The following CALM3 variants were observed in gnomAD, a reference collection of about 807,000 sequenced individuals.
The protein encoded by CALM3 is calmodulin-3.
Under a neutral mutation model 20.1 loss-of-function variants are expected in CALM3, and 5 were observed. The ratio of observed to expected loss-of-function variants is 0.25; its 90% confidence interval spans 0.13 to 0.52. CALM3 has a LOEUF of 0.52. CALM3 is among the 20% of genes least tolerant of loss of function. The pLI, the probability that CALM3 is intolerant of heterozygous loss-of-function variation, is 0.96. For missense variants in CALM3, 57 were observed against 192.8 expected (o/e 0.30, Z 4.17); for synonymous variants, 69 against 68.1 (o/e 1.01, Z -0.06).
Position 46,608,849 on chromosome 19 carries a change from G to A in CALM3, c.289G>A (p.Gly97Arg). 1 of 1,550,326 alleles carries A rather than the reference G, an allele frequency of 6.5e-7. No individual in the cohort carries two copies. Among genetic ancestry groups the A allele is most frequent in the Non-Finnish European group, 8.7e-7 (1 of 1,150,590 alleles). Residue 97 changes from glycine to arginine, a missense_variant, in exon 5 of 6, where the codon GGG (glycine) becomes AGG (arginine). Gly to Arg is a moderately radical substitution (Grantham distance 125, BLOSUM62 -2). Coordinates refer to ENST00000291295, the MANE Select transcript of CALM3 (RefSeq NM_005184.4). The surrounding 1 kb of genome is among the most constrained non-coding windows in gnomAD (Gnocchi z 5.5). Reference protein sequence around the residue: ...REAFRVFDKDGNGYISAAELR... With the variant: ...REAFRVFDKDRNGYISAAELR... ...AGGCTTTATCCCCAACCCCCAGGAT[G>A]GGAATGGCTACATCAGCGCCGCAGA...
Position 46,601,869 on chromosome 19 carries a change from TGA to T in CALM3, c.3+436_3+437del. 6.7e-6 allele frequency among the ~76,000 whole-genome samples: 1 copy of T among 149,964 alleles called. No individual in the cohort carries two copies. Among genetic ancestry groups the T allele is most frequent in the East Asian group, 2.0e-4 (1 of 5,062 alleles). ...GGGCCCTGATGAAGGCGTTTGGTCCTGAGAGGATGCGGGGAACGGGGGACGAA... is the reference window on the plus strand; with the variant it reads ...GGGCCCTGATGAAGGCGTTTGGTCCTGAGGATGCGGGGAACGGGGGACGAA... On this transcript the variant is annotated intron_variant, in intron 1 of 5. Coordinates refer to ENST00000291295, the MANE Select transcript of CALM3 (RefSeq NM_005184.4). The surrounding 1 kb of genome is among the most constrained non-coding windows in gnomAD (Gnocchi z 4.2).
chr19:46,605,705 C>G lies in CALM3; in HGVS notation c.4-122C>G. 3 of 893,140 alleles carry G rather than the reference C, an allele frequency of 3.4e-6. No individual in the cohort carries two copies. Among genetic ancestry groups the G allele is most frequent in the Non-Finnish European group, 5.5e-6 (3 of 544,510 alleles). 55.3% of individuals were successfully genotyped at this position (893,140 alleles called of 1,614,324 possible). ...GACCCTGACTCTGGCATGCTCCTCC[C>G]TGGCCCGGCGGGAATGGCACGTGGA... On this transcript the variant is annotated intron_variant, in intron 1 of 5. Coordinates refer to ENST00000291295, the MANE Select transcript of CALM3 (RefSeq NM_005184.4). The surrounding 1 kb of genome is among the most constrained non-coding windows in gnomAD (Gnocchi z 4.1).
chr19:46,607,883 G>A, intron 2 of CALM3: 1 of 251,478 alleles, frequency 4.0e-6, no homozygotes, highest in Middle Eastern at 1.3e-3. Context: ...TCAAAGCCAG[G>A]GACCAAACAG....
rs373770976 is a variant in CALM3, at chr19:46,603,703, G to A, written c.4-2124G>A. Among the ~76,000 whole-genome samples, 13 of 152,334 alleles carry A rather than the reference G, an allele frequency of 8.5e-5. No homozygotes were observed. The South Asian group carries it at 1.0e-3, about 12-fold the overall frequency. The stretch of plus-strand genomic sequence containing the variant: ...ATCAATGATATCTTCTTAGGCGGTC[G>A]GTTTTCTGGGCGGCAACCTTGCTTG... On this transcript the variant is annotated intron_variant, in intron 1 of 5. Transcript: ENST00000291295.
chr19:46,609,349 A>T lies in CALM3; in HGVS notation c.*196A>T, dbSNP rs1971820713. On this transcript the variant is annotated 3_prime_UTR_variant, in exon 6 of 6. Coordinates refer to ENST00000291295, the MANE Select transcript of CALM3 (RefSeq NM_005184.4). ...CTCCTTCTTCCCTGAGTCTCTCTCC[A>T]TGCCCCTCATCTCTTCCTTTTGCCC... 7.8e-6 allele frequency: 5 copies of T among 636,982 alleles called. No homozygotes were observed. The South Asian group carries it at 9.3e-5, about 12-fold the overall frequency. The allele number at this position is 636,982 out of a possible 1,614,324, so 39.5% of individuals were successfully genotyped here. A position where few individuals can be genotyped will look rare whatever the true frequency, so the allele number is the denominator to read the frequency against.
chr19:46,607,356 C>A (rs2122239759), intron 2 of CALM3, among the ~76,000 whole-genome samples: 1 of 152,316 alleles, frequency 6.6e-6, no homozygotes, highest in African/African-American at 2.4e-5. Context: ...CTGTCCACCG[C>A]CTCACCCCAG....
At chr19:46,607,780 C>T (rs1466535839) in intron 2 of CALM3, among the ~76,000 whole-genome samples, 2 of 152,258 alleles carry the variant, frequency 1.3e-5, no homozygotes, top group African/African-American at 2.4e-5. Flanking sequence ...TCGTCCCAGC[C>T]AGCCAACCCT....
intron 5 of CALM3, 28 bp from the exon 6 acceptor site, chr19:46,609,097 C>A (rs370109570): frequency 6.2e-7 from 1 of 1,613,844 alleles, no homozygotes; most frequent in Non-Finnish European, 8.5e-7. Flanking sequence ...GCCCGCCTGA[C>A]CTCCTCTCTC....
intron 1 of CALM3, among the ~76,000 whole-genome samples, chr19:46,602,967 G>A (rs187200611): frequency 1.3e-5 from 2 of 152,338 alleles, no homozygotes; most frequent in African/African-American, 2.4e-5. Context: ...CCTCTGGGGA[G>A]ACCCCTTGAT....
chr19:46,604,020 C>G (rs1971689329), intron 1 of CALM3, among the ~76,000 whole-genome samples: 1 of 152,246 alleles, frequency 6.6e-6, no homozygotes, highest in Admixed American at 6.5e-5. Context: ...CAGGGCGGAA[C>G]AGTGGGCTGG....
At position 46,608,306 on chromosome 19, in the gene CALM3, G is replaced by A. The variant is rs1599758683; in HGVS notation, c.144G>A (p.Glu48=). Residue 48 remains glutamate (E), a synonymous_variant, in exon 3 of 6, where the codon GAG becomes GAA. Coordinates refer to ENST00000291295, the MANE Select transcript of CALM3 (RefSeq NM_005184.4). The surrounding 1 kb of genome is among the most constrained non-coding windows in gnomAD (Gnocchi z 5.5). ...TGGGACAGAACCCCACTGAAGCAGA[G>A]CTGCAGGATATGATCAATGAGGTGG... ...RSLGQNPTEA[E]LQDMINEVDA... 3 of 1,614,216 alleles carry A rather than the reference G, an allele frequency of 1.9e-6. No individual in the cohort carries two copies. Among genetic ancestry groups the A allele is most frequent in the Non-Finnish European group, 2.5e-6 (3 of 1,180,026 alleles).
intron 1 of CALM3, among the ~76,000 whole-genome samples, chr19:46,603,702 C>T (rs1971682013): frequency 6.6e-6 from 1 of 152,192 alleles, no homozygotes; most frequent in Non-Finnish European, 1.5e-5. Flanking sequence ...CTTAGGCGGT[C>T]GGTTTTCTGG....
chr19:46,609,156 GC>G lies in CALM3; in HGVS notation c.*9del, dbSNP rs758159285. 79 of 1,613,812 alleles carry G rather than the reference GC, an allele frequency of 4.9e-5. 3 individuals are homozygous for G. In the East Asian group the frequency reaches 4.9e-4, roughly 10 times the overall value. On this transcript the variant is annotated 3_prime_UTR_variant, in exon 6 of 6. Coordinates refer to ENST00000291295, the MANE Select transcript of CALM3 (RefSeq NM_005184.4). ...TACAGATGATGACTGCAAAGTGAAG[GC>G]CCCCCGGGCAGCTGGCGATGCCCGT...
Position 46,610,777 on chromosome 19 carries a change from A to G in CALM3, c.*1624A>G, listed in dbSNP as rs1219222865. 1.3e-5 allele frequency: 2 copies of G among 152,658 alleles called. No individual in the cohort carries two copies. Among genetic ancestry groups the G allele is most frequent in the African/African-American group, 4.8e-5 (2 of 41,404 alleles). The allele number at this position is 152,658 out of a possible 1,614,324, so 9.5% of individuals were successfully genotyped here. A position where few individuals can be genotyped will look rare whatever the true frequency, so the allele number is the denominator to read the frequency against. ...TGTTTTCCAATAAAATACAGTGACT[A>G]CCTGATTTGGCTCCTCTCCTCCTGT... On this transcript the variant is annotated 3_prime_UTR_variant, in exon 6 of 6. Coordinates refer to ENST00000291295, the MANE Select transcript of CALM3 (RefSeq NM_005184.4).
Position 46,608,358 on chromosome 19 carries a change from C to G in CALM3, c.178+18C>G. On this transcript the variant is annotated intron_variant, in intron 3 of 5. Coordinates refer to ENST00000291295, the MANE Select transcript of CALM3 (RefSeq NM_005184.4). The surrounding 1 kb of genome is among the most constrained non-coding windows in gnomAD (Gnocchi z 5.5). ...TGCAGATGGTGAGCCCCACAGAGCG[C>G]GTGGGCAGCCCTGCTCCTGGTCACC... is the stretch of plus-strand genomic sequence containing the variant. 6.2e-7 allele frequency: 1 copy of G among 1,613,412 alleles called. No homozygotes were observed.
chr19:46,601,358 G>A lies in CALM3; in HGVS notation c.-77G>A, dbSNP rs1971609833. 6.2e-6 allele frequency: 9 copies of A among 1,449,202 alleles called. No homozygotes were observed. In the East Asian group the frequency reaches 1.2e-4, roughly 19 times the overall value. 89.8% of individuals were successfully genotyped at this position (1,449,202 alleles called of 1,614,324 possible). A position where few individuals can be genotyped will look rare whatever the true frequency, so the allele number is the denominator to read the frequency against. On this transcript the variant is annotated 5_prime_UTR_variant, in exon 1 of 6. Transcript: ENST00000291295. This position sits in a 1 kb window ranked among gnomAD's most constrained non-coding sequence, Gnocchi z 4.2. ...GAGTGTGGAGGCGCGGACGCGCGGC[G>A]GAGCTGGAACTGCTGCAGCTGCTGC...
chr19:46,604,542 G>C (rs951258568), intron 1 of CALM3, among the ~76,000 whole-genome samples: 1 of 124,806 alleles, frequency 8.0e-6, no homozygotes, highest in African/African-American at 3.3e-5. Context: ...TTCTTCTTCC[G>C]TTAGGTTTTT....
At position 46,605,940 on chromosome 19, in the gene CALM3, G is replaced by T; in HGVS notation, c.34+83G>T. The stretch of plus-strand genomic sequence containing the variant: ...TCTTAGCCACTGAGGAGTGACATCT[G>T]ATGGGTGAACCTGTGTATCCCTTGT... On this transcript the variant is annotated intron_variant, in intron 2 of 5. Transcript: ENST00000291295. This position sits in a 1 kb window ranked among gnomAD's most constrained non-coding sequence, Gnocchi z 4.1. The T allele has an allele frequency of 8.0e-7, 1 of 1,244,992 alleles. No homozygotes were observed. Among genetic ancestry groups the T allele is most frequent in the South Asian group, 1.2e-5 (1 of 83,320 alleles). The allele number at this position is 1,244,992 out of a possible 1,614,324, so 77.1% of individuals were successfully genotyped here.
Position 46,601,336 on chromosome 19 carries a change from T to A in CALM3, c.-99T>A. 4 of 1,252,686 alleles carry A rather than the reference T, an allele frequency of 3.2e-6. No homozygotes were observed. Among genetic ancestry groups the A allele is most frequent in the Non-Finnish European group, 4.3e-6 (4 of 933,680 alleles). 77.6% of individuals were successfully genotyped at this position (1,252,686 alleles called of 1,614,324 possible). A position where few individuals can be genotyped will look rare whatever the true frequency, so the allele number is the denominator to read the frequency against. On this transcript the variant is annotated 5_prime_UTR_variant, in exon 1 of 6. Coordinates refer to ENST00000291295, the MANE Select transcript of CALM3 (RefSeq NM_005184.4). This position sits in a 1 kb window ranked among gnomAD's most constrained non-coding sequence, Gnocchi z 4.2. Reference sequence around the variant, plus strand: ...GGCGGCGCGCGCTGCGGGCAGTGAGTGTGGAGGCGCGGACGCGCGGCGGAG... The same window carrying A: ...GGCGGCGCGCGCTGCGGGCAGTGAGAGTGGAGGCGCGGACGCGCGGCGGAG...
Sources: allele counts gnomAD v4.1 joint callset (sites outside exome capture counted in the v4.1 genomes callset), GRCh38; gene constraint gnomAD v4.1.1; non-coding constraint Gnocchi (gnomAD v3.1); transcripts MANE v1.5; gene names NCBI Gene and HGNC (gene_info 2026-07-23, HGNC 2026-07-21).